HBP1: variants seen among roughly 807,000 people sequenced by gnomAD.
The protein encoded by HBP1 is HMG-box transcription factor 1, also known as HMG box-containing protein 1.
HBP1 carries 20 observed loss-of-function variants against 62.6 expected under a neutral mutation model. The ratio of observed to expected loss-of-function variants is 0.32; its 90% CI spans 0.22 to 0.46. The LOEUF (loss-of-function observed/expected upper bound fraction) is 0.46. Among genes scored for constraint, HBP1 ranks in the 20% least tolerant of loss-of-function variants. The probability of loss-of-function intolerance (pLI) is 1.00; values close to 1 mark genes in which losing one functional copy is unlikely to be tolerated. For synonymous variants in HBP1, 232 were observed against 206.2 expected, an observed-to-expected ratio of 1.12 and a Z score of -1.07; for missense variants, 480 against 611.8, an observed-to-expected ratio of 0.78 and a Z score of 2.27.
In HBP1 at chr7:107,195,611, C is replaced by T. The variant is rs1385688266; in HGVS notation, c.1068-223C>T. Among the ~76,000 whole-genome samples the T allele has an allele frequency of 5.3e-5, 8 of 152,156 alleles. No individual in the cohort carries two copies. In the East Asian group the frequency reaches 9.6e-4, roughly 18 times the overall value. On this transcript the variant is annotated intron_variant, in intron 8 of 10. Coordinates refer to ENST00000222574, the MANE Select transcript of HBP1 (RefSeq NM_012257.4). The stretch of plus-strand genomic sequence containing the variant: ...CTTTTTTAAGCTTTTGTATTATCTG[C>T]AGAGGTTTTTTAAAAAAATTAATTT...
In HBP1 at chr7:107,169,014, T is replaced by G; in HGVS notation, c.-187T>G. The stretch of plus-strand genomic sequence containing the variant: ...AGACGAAGCTTGAAAGACTTGGTAA[T>G]GGCGACGGGTTTGGTAAGTAGGAAA... On this transcript the variant is annotated 5_prime_UTR_variant, in exon 1 of 11. It removes an upstream start codon present in the reference 5' UTR. Coordinates refer to ENST00000222574, the MANE Select transcript of HBP1 (RefSeq NM_012257.4). 7.8e-7 allele frequency: 1 copy of G among 1,288,762 alleles called. No homozygotes were observed. The highest frequency in any genetic ancestry group is 1.0e-6 in the Non-Finnish European group (1 of 988,494). The allele number at this position is 1,288,762 out of a possible 1,614,324, so 79.8% of individuals were successfully genotyped here. A position where few individuals can be genotyped will look rare whatever the true frequency, so the allele number is the denominator to read the frequency against.
chr7:107,170,268 C>T (rs1796489640), intron 1 of HBP1: 1 of 254,600 alleles, frequency 3.9e-6, no homozygotes, highest in Non-Finnish European at 6.2e-6. Context: ...GAGGCTTTAG[C>T]TTTATTAATA....
chr7:107,173,749 A>G (rs917358577), intron 1 of HBP1, among the ~76,000 whole-genome samples: 6 of 152,238 alleles, frequency 3.9e-5, no homozygotes, highest in Admixed American at 3.3e-4. Context: ...AATTTGTAAC[A>G]CTGAACATGA....
chr7:107,199,507 G>T (rs942682810), intron 9 of HBP1, among the ~76,000 whole-genome samples: 1 of 152,242 alleles, frequency 6.6e-6, no homozygotes, highest in Non-Finnish European at 1.5e-5. Flanking sequence ...ACAAATGCCT[G>T]TTGCTTTGGC....
intron 8 of HBP1, among the ~76,000 whole-genome samples, chr7:107,193,724 A>G (rs903572760): frequency 6.6e-6 from 1 of 151,128 alleles, no homozygotes; most frequent in East Asian, 1.9e-4. Flanking sequence ...TAGTAAATGT[A>G]TACAGTAGAT....
At chr7:107,169,754 C>G in intron 1 of HBP1, 7 of 984,276 alleles carry the variant, frequency 7.1e-6, no homozygotes, top group Non-Finnish European at 8.4e-6. Flanking sequence ...CGCCTGCGCG[C>G]TGGGGCTGAG....
intron 9 of HBP1, among the ~76,000 whole-genome samples, chr7:107,197,329 TAGACACATAAGTGTGTAATTAGTG>T (rs1797960012): frequency 6.6e-6 from 1 of 152,174 alleles, no homozygotes; most frequent in South Asian, 2.1e-4. Context: ...CTAGTTCCTT[TAGACACATAAGTGTGTAATTAGTG>T]AGTCAAGAAT....
At chr7:107,198,528 G>T (rs1389969507) in intron 9 of HBP1, among the ~76,000 whole-genome samples, 2 of 152,026 alleles carry the variant, frequency 1.3e-5, no homozygotes, top group African/African-American at 4.8e-5. Flanking sequence ...TATTTTCTTT[G>T]CATTTTAGCA....
chr7:107,174,727 T>G, intron 1 of HBP1: 1 of 983,818 alleles, frequency 1.0e-6, no homozygotes. Context: ...TAGTGCAGCT[T>G]CTAAATTTCA....
intron 8 of HBP1, among the ~76,000 whole-genome samples, chr7:107,192,184 C>G (rs79941523): frequency 3.3e-5 from 5 of 151,716 alleles, no homozygotes; most frequent in African/African-American, 4.8e-5. Context: ...TCCAAACTTC[C>G]AAAAGGAAAG....
At chr7:107,184,341 G>T (rs2115878322) in intron 3 of HBP1, among the ~76,000 whole-genome samples, 1 of 152,132 alleles carries the variant, frequency 6.6e-6, no homozygotes, top group East Asian at 1.9e-4. Context: ...GAAATCTGAG[G>T]GCCTTTCGAT....
At chr7:107,193,539 T>G (rs1797751571) in intron 8 of HBP1, among the ~76,000 whole-genome samples, 1 of 152,176 alleles carries the variant, frequency 6.6e-6, no homozygotes, top group Admixed American at 6.6e-5. Flanking sequence ...ATAGATTTAT[T>G]TTACAGATAA....
At chr7:107,169,214 TG>T in intron 1 of HBP1, 29 bp downstream of exon 1, 4 of 23,976 alleles carry the variant, frequency 1.7e-4, no homozygotes, top group Non-Finnish European at 2.1e-4. Flanking sequence ...AGGGAAGAGG[TG>T]GGGGTGGGGA....
At chr7:107,200,486 T>G (rs1798188581) in intron 10 of HBP1, 185 bp downstream of exon 10, 2 of 432,374 alleles carry the variant, frequency 4.6e-6, no homozygotes, top group Admixed American at 8.6e-5. Context: ...AAGGGTCATT[T>G]ACTCTCATAG....
chr7:107,183,652 TTTTC>T (rs1797219540), intron 3 of HBP1, among the ~76,000 whole-genome samples: 1 of 152,158 alleles, frequency 6.6e-6, no homozygotes, highest in East Asian at 1.9e-4. Context: ...TGGATTTTTT[TTTTC>T]TTTCTCTAGA....
chr7:107,169,127 C>T lies in HBP1; in HGVS notation c.-74C>T. 2 of 1,248,154 alleles carry T rather than the reference C, an allele frequency of 1.6e-6. No individual in the cohort carries two copies. The highest frequency in any genetic ancestry group is 2.5e-5 in the Admixed American group (1 of 39,426). The allele number at this position is 1,248,154 out of a possible 1,614,324, so 77.3% of individuals were successfully genotyped here. Reference sequence around the variant, plus strand: ...GGTCGGAGAGGGGGTACGAGAGCTGCTGGTGGTGTTGTCGTGGCCGGAGCG... The same window carrying T: ...GGTCGGAGAGGGGGTACGAGAGCTGTTGGTGGTGTTGTCGTGGCCGGAGCG... On this transcript the variant is annotated 5_prime_UTR_variant, in exon 1 of 11. Transcript: ENST00000222574.
At chr7:107,178,467 G>C (rs1324482024) in intron 1 of HBP1, among the ~76,000 whole-genome samples, 1 of 152,146 alleles carries the variant, frequency 6.6e-6, no homozygotes, top group African/African-American at 2.4e-5. Context: ...ATATTTAGTT[G>C]TTGGATTTTG....
chr7:107,201,340 A>G, intron 10 of HBP1, 74 bp from the exon 11 acceptor site: 1 of 865,692 alleles, frequency 1.2e-6, no homozygotes, highest in Non-Finnish European at 1.9e-6. Context: ...CATCTTATAC[A>G]TCTTAGCTTT....
chr7:107,195,716 G>C (rs1797865971), intron 8 of HBP1, 118 bp from the exon 9 acceptor site: 2 of 496,026 alleles, frequency 4.0e-6, no homozygotes, highest in Non-Finnish European at 6.7e-6. Flanking sequence ...ATGATATAGG[G>C]GGAAATGCAC....
Sources: allele counts gnomAD v4.1 joint callset (sites outside exome capture counted in the v4.1 genomes callset), GRCh38; gene constraint gnomAD v4.1.1; transcripts MANE v1.5; gene names NCBI Gene and HGNC (gene_info 2026-07-23, HGNC 2026-07-21).